The following DMKN variants were observed in gnomAD, a reference collection of about 807,000 sequenced individuals.
DMKN encodes epidermis-specific secreted protein SK30/SK89.
In DMKN, 58 loss-of-function variants were observed where a neutral mutation model predicts 67.6. That is an observed-to-expected ratio of 0.86 (90% CI 0.69 to 1.07). The LOEUF (loss-of-function observed/expected upper bound fraction) is 1.07, where lower values mean the gene tolerates loss of function less well. Ranked by LOEUF, DMKN falls within the 50% of genes least tolerant of loss-of-function variation. The pLI is 0.00. For synonymous variants in DMKN, 240 were observed against 232.3 expected (o/e 1.03, Z -0.30); for missense variants, 596 against 601.5 (o/e 0.99, Z 0.10).
At chr19:35,510,429 G>GAGAA (rs2070541827) in intron 5 of DMKN, 177 bp from the exon 6 acceptor site, 3 of 1,552,210 alleles carry the variant, frequency 1.9e-6, no homozygotes, top group Non-Finnish European at 2.6e-6. Flanking sequence ...TCCGAGCATG[G>GAGAA]AGAAGGCCAG....
At chr19:35,503,305 G>T in intron 9 of DMKN, 1 of 1,528,704 alleles carries the variant, frequency 6.5e-7, no homozygotes, top group Middle Eastern at 1.7e-4. Context: ...GGCCAGGAGT[G>T]TGGGGCAGCT....
In DMKN at chr19:35,498,490, T is replaced by C. The variant is rs1045490965; in HGVS notation, c.*226A>G. 9.7e-6 allele frequency: 6 copies of C among 616,062 alleles called. No homozygotes were observed. The Admixed American group carries it at 1.2e-4, about 13-fold the overall frequency. The allele number at this position is 616,062 out of a possible 1,614,324, so 38.2% of individuals were successfully genotyped here. A position where few individuals can be genotyped will look rare whatever the true frequency, so the allele number is the denominator to read the frequency against. On this transcript the variant is annotated intron_variant, in intron 15 of 15. Coordinates refer to ENST00000339686, the MANE Select transcript of DMKN (RefSeq NM_033317.5). Reference sequence around the variant, plus strand: ...TCCCAAAGCACAGAGATTACAGGCATGAGCCACTGCACCCAGCCCTAGATC... The same window carrying C: ...TCCCAAAGCACAGAGATTACAGGCACGAGCCACTGCACCCAGCCCTAGATC...
chr19:35,503,470 T>C lies in DMKN; in HGVS notation c.1135-584A>G. The C allele has an allele frequency of 8.0e-6, 12 of 1,491,164 alleles. 1 individual carries two copies. Among genetic ancestry groups the C allele is most frequent in the Non-Finnish European group, 8.8e-6 (10 of 1,130,068 alleles). 92.4% of individuals were successfully genotyped at this position (1,491,164 alleles called of 1,614,324 possible). A position where few individuals can be genotyped will look rare whatever the true frequency, so the allele number is the denominator to read the frequency against. On this transcript the variant is annotated intron_variant, in intron 9 of 15. Coordinates refer to ENST00000339686, the MANE Select transcript of DMKN (RefSeq NM_033317.5). ...GTCCTGGGCAAAGAAACAGGTTTTT[T>C]TTTGTTTTTTTTTTTTTTTTTTTGA...
Position 35,510,228 on chromosome 19 carries a change from C to G in DMKN, c.943G>C (p.Gly315Arg), listed in dbSNP as rs2070479985. ...CCTCCGCCGCTCCCACCGTGGTTGC[C>G]GGAGGAGGAGCCGGTGCTGGATCCC... ...SWGSSTGSSS[G>R]NHGGSGGGNG... The change falls in exon 6 of 16, where the codon GGC becomes CGC. Residue 315 changes from glycine to arginine, a missense_variant. Gly to Arg is a moderately radical substitution (Grantham distance 125, BLOSUM62 -2). Transcript: ENST00000339686. 2.5e-6 allele frequency: 4 copies of G among 1,607,718 alleles called. No individual in the cohort carries two copies. The highest frequency in any genetic ancestry group is 4.5e-5 in the East Asian group (2 of 44,584).
Position 35,497,323 on chromosome 19 carries a change from G to A in DMKN, c.*216C>T, listed in dbSNP as rs1411914397. On this transcript the variant is annotated 3_prime_UTR_variant, in exon 16 of 16. Coordinates refer to ENST00000339686, the MANE Select transcript of DMKN (RefSeq NM_033317.5). ...AGTGACTTCAGGTCACCAAAGGGAG[G>A]AGGTACAGAAAGATGCTGGTGTATG... 3 of 152,244 alleles carry A rather than the reference G, an allele frequency of 2.0e-5. No homozygotes were observed. The highest frequency in any genetic ancestry group is 2.1e-4 in the South Asian group (1 of 4,824). The allele number at this position is 152,244 out of a possible 1,614,324, so 9.4% of individuals were successfully genotyped here.
intron 7 of DMKN, chr19:35,507,826 G>T: frequency 2.3e-6 from 1 of 437,864 alleles, no homozygotes; most frequent in Non-Finnish European, 4.1e-6. Flanking sequence ...TGCCAGCAAA[G>T]CATCCGAATT....
chr19:35,504,580 C>CAA (rs532027754), intron 9 of DMKN, among the ~76,000 whole-genome samples: 1,171 of 111,728 alleles, frequency 0.01, 15 homozygotes, highest in African/African-American at 0.024. Context: ...TCCGTCTCAC[C>CAA]AAAAAAAAAA....
At chr19:35,506,281 G>A (rs1056349162) in intron 7 of DMKN, 35 of 1,267,902 alleles carry the variant, frequency 2.8e-5, no homozygotes, top group African/African-American at 1.2e-4. Context: ...TCCCCACCTC[G>A]GTCCAGGCTT....
chr19:35,505,845 C>A, intron 8 of DMKN, 80 bp from the exon 9 acceptor site: 1 of 1,613,694 alleles, frequency 6.2e-7, no homozygotes, highest in Admixed American at 1.7e-5. Context: ...CCACTGCTGA[C>A]TGTTGGTTTA....
At chr19:35,499,303 G>A in intron 13 of DMKN, 1 of 259,086 alleles carries the variant, frequency 3.9e-6, no homozygotes, top group Non-Finnish European at 7.4e-6. Context: ...TCGTCCCTCA[G>A]TGGAAGGTCC....
intron 15 of DMKN, chr19:35,497,760 C>A (rs2067682502): frequency 6.5e-6 from 1 of 152,672 alleles, no homozygotes; most frequent in Non-Finnish European, 1.5e-5. Context: ...CACCTCTGAA[C>A]CCTTCCACCA....
intron 7 of DMKN, 91 bp from the exon 8 acceptor site, chr19:35,506,077 T>C: frequency 6.2e-7 from 1 of 1,608,310 alleles, no homozygotes; most frequent in East Asian, 2.2e-5. Context: ...AGGCGAGGAT[T>C]GTGTGACACC....
chr19:35,502,952 G>A (rs2068686644), intron 9 of DMKN, 66 bp from the exon 10 acceptor site: 1 of 1,511,362 alleles, frequency 6.6e-7, no homozygotes, highest in Non-Finnish European at 9.0e-7. Flanking sequence ...CCCTCCTCCT[G>A]CTACTGCCCT....
chr19:35,511,964 C>A, intron 3 of DMKN, 151 bp from the exon 4 acceptor site: 1 of 817,794 alleles, frequency 1.2e-6, no homozygotes, highest in Non-Finnish European at 1.9e-6. Context: ...CATCTGCCTC[C>A]TCCCCAGGCC....
intron 14 of DMKN, 50 bp downstream of exon 14, chr19:35,498,824 T>C: frequency 6.2e-7 from 1 of 1,614,126 alleles, no homozygotes; most frequent in South Asian, 1.1e-5. Context: ...CCCTCTGGCC[T>C]CAGGCCCCTT....
At position 35,498,267 on chromosome 19, in the gene DMKN, C is replaced by T. The variant is rs544086062; in HGVS notation, c.*449G>A. 8.9e-5 allele frequency: 16 copies of T among 179,274 alleles called. No individual in the cohort carries two copies. The Admixed American group carries it at 9.1e-4, about 10-fold the overall frequency. 11.1% of individuals were successfully genotyped at this position (179,274 alleles called of 1,614,324 possible). On this transcript the variant is annotated intron_variant, in intron 15 of 15. Coordinates refer to ENST00000339686, the MANE Select transcript of DMKN (RefSeq NM_033317.5). Reference sequence around the variant, plus strand: ...TCTCCCACCTCAGCCTCCAGAGTAGCTGGGATTACAATCATGCACCACCTC... The same window carrying T: ...TCTCCCACCTCAGCCTCCAGAGTAGTTGGGATTACAATCATGCACCACCTC...
intron 9 of DMKN, among the ~76,000 whole-genome samples, chr19:35,505,218 G>C (rs1360579633): frequency 6.6e-6 from 1 of 152,078 alleles, no homozygotes; most frequent in Non-Finnish European, 1.5e-5. Context: ...CCTGCAAGAC[G>C]GAAGGGTAGG....
chr19:35,498,947 T>C (rs777029827), intron 13 of DMKN, 50 bp from the exon 14 acceptor site: 4 of 1,613,836 alleles, frequency 2.5e-6, no homozygotes, highest in Non-Finnish European at 3.4e-6. Flanking sequence ...CTCCCTGTAC[T>C]CTGCCATGGC....
chr19:35,507,355 C>T (rs1304335947), intron 7 of DMKN: 1 of 1,171,968 alleles, frequency 8.5e-7, no homozygotes, highest in African/African-American at 1.5e-5. Context: ...AGATTCAGAG[C>T]AGCTTGCAAG....
Sources: allele counts gnomAD v4.1 joint callset (sites outside exome capture counted in the v4.1 genomes callset), GRCh38; gene constraint gnomAD v4.1.1; transcripts MANE v1.5; gene names NCBI Gene and HGNC (gene_info 2026-07-23, HGNC 2026-07-21).